B4GALT4: variants seen among roughly 807,000 people sequenced by gnomAD.
The protein encoded by B4GALT4 is beta-1,4-galactosyltransferase 4.
A neutral mutation model predicts 37.3 loss-of-function variants in B4GALT4; 27 were observed. The ratio of observed to expected loss-of-function variants is 0.72; its 90% CI spans 0.53 to 1.00. The LOEUF (loss-of-function observed/expected upper bound fraction) is 1.00, where lower values mean the gene tolerates loss of function less well. B4GALT4 is among the 50% of genes least tolerant of loss of function. The pLI, the probability that B4GALT4 is intolerant of heterozygous loss-of-function variation, is 0.00. For missense variants in B4GALT4, 372 were observed against 413.1 expected (o/e 0.90, Z 0.86); for synonymous variants, 148 against 154.1 (o/e 0.96, Z 0.29).
chr3:119,240,423 C>G (rs1241143573), intron 1 of B4GALT4: 2 of 152,286 alleles, frequency 1.3e-5, no homozygotes, highest in Non-Finnish European at 2.9e-5. Flanking sequence ...GTCAGCTGAT[C>G]AGTTTCCCCG....
chr3:119,231,784 GTATATTTTATAAAATATAAAATAA>G (rs1357978831), intron 2 of B4GALT4, among the ~76,000 whole-genome samples: 2 of 87,054 alleles, frequency 2.3e-5, no homozygotes, highest in East Asian at 2.8e-4. Flanking sequence ...ATTTTTAATA[GTATATTTTATAAAATATAAAATAA>G]TATATTTTAT....
chr3:119,219,534 G>A (rs553956798), intron 5 of B4GALT4, among the ~76,000 whole-genome samples: 4 of 152,364 alleles, frequency 2.6e-5, no homozygotes, highest in South Asian at 2.1e-4. Flanking sequence ...AGAGAGGAAC[G>A]ACTACAGATA....
intron 6 of B4GALT4, among the ~76,000 whole-genome samples, chr3:119,217,638 C>T (rs926695351): frequency 2.0e-5 from 3 of 152,018 alleles, no homozygotes; most frequent in Non-Finnish European, 4.4e-5. Flanking sequence ...GTCAGGAGTT[C>T]GAGATCAGCC....
intron 5 of B4GALT4, among the ~76,000 whole-genome samples, chr3:119,219,983 G>A (rs2078402446): frequency 1.3e-5 from 2 of 152,140 alleles, no homozygotes; most frequent in African/African-American, 4.8e-5. Flanking sequence ...ACCAAAAGGA[G>A]TGATCAATAA....
intron 6 of B4GALT4, among the ~76,000 whole-genome samples, chr3:119,217,950 T>C (rs2078340775): frequency 6.6e-6 from 1 of 151,660 alleles, no homozygotes; most frequent in Non-Finnish European, 1.5e-5. Context: ...AGTCTAAAGA[T>C]ACCAGCCTAA....
intron 7 of B4GALT4, chr3:119,214,867 G>A (rs1217808090): frequency 6.6e-6 from 1 of 152,180 alleles, no homozygotes; most frequent in Non-Finnish European, 1.5e-5. Context: ...AAAAACTGAT[G>A]AGGAATCTCA....
chr3:119,240,494 G>A (rs564937012), intron 1 of B4GALT4: 1 of 152,432 alleles, frequency 6.6e-6, no homozygotes, highest in South Asian at 2.1e-4. Context: ...TGATGCACCC[G>A]GCGGAGAAGT....
In B4GALT4 at chr3:119,230,176, C is replaced by T; in HGVS notation, c.-77G>A. The T allele has an allele frequency of 1.3e-6, 2 of 1,552,296 alleles. No homozygotes were observed. Among genetic ancestry groups the T allele is most frequent in the South Asian group, 1.2e-5 (1 of 82,216 alleles). On this transcript the variant is annotated 5_prime_UTR_variant, in exon 3 of 8. Coordinates refer to ENST00000393765, the MANE Select transcript of B4GALT4 (RefSeq NM_003778.4). ...AAGCTTCAAGTTGAGCTTTTCCAAT[C>T]TGATTGCGAACTTGATGACAACTGA...
chr3:119,218,700 GA>G lies in B4GALT4; in HGVS notation c.746del (p.Phe249SerfsTer24). The G allele has an allele frequency of 6.2e-7, 1 of 1,614,138 alleles. No individual in the cohort carries two copies. The highest frequency in any genetic ancestry group is 8.5e-7 in the Non-Finnish European group (1 of 1,180,012). On this transcript the variant is annotated frameshift_variant, in exon 6 of 8. Transcript: ENST00000393765. LOFTEE classifies it high-confidence loss of function. ...SREQFFKVNG[F>X]SNNYWGWGGE... The stretch of plus-strand genomic sequence containing the variant: ...CTCCCCATCCCCAGTAGTTGTTAGA[GA>G]ATCCATTCACCTTGAAAAACTGCTC...
chr3:119,232,859 A>AGTGCC (rs1325328126), intron 2 of B4GALT4: 3 of 152,196 alleles, frequency 2.0e-5, no homozygotes, highest in African/African-American at 7.2e-5. Context: ...CCCAGGCTAG[A>AGTGCC]GTGCCGTGGC....
In B4GALT4 at chr3:119,230,205, T is replaced by TAC. The variant is rs1264323672; in HGVS notation, c.-108_-107dup. ...TTGCGAACTTGATGACAACTGAAGA[T>TAC]ACAATGCCTGGTTTTTCTCAGTAGT... On this transcript the variant is annotated 5_prime_UTR_variant, in exon 3 of 8. Transcript: ENST00000393765. 2.8e-6 allele frequency: 4 copies of TAC among 1,413,758 alleles called. No individual in the cohort carries two copies. In the Admixed American group the frequency reaches 6.2e-5, roughly 22 times the overall value. The allele number at this position is 1,413,758 out of a possible 1,614,324, so 87.6% of individuals were successfully genotyped here.
chr3:119,229,271 A>G (rs1196243008), intron 3 of B4GALT4, among the ~76,000 whole-genome samples: 1 of 152,188 alleles, frequency 6.6e-6, no homozygotes, highest in East Asian at 1.9e-4. Context: ...CAGGAGGCAC[A>G]TGGGGCAGAG....
At chr3:119,216,166 C>T in intron 7 of B4GALT4, 74 bp downstream of exon 7, 3 of 1,213,140 alleles carry the variant, frequency 2.5e-6, no homozygotes, top group South Asian at 1.8e-5. Context: ...CAAATCTGAT[C>T]GAATTCAACA....
chr3:119,238,262 C>CT (rs2079041993), intron 1 of B4GALT4, among the ~76,000 whole-genome samples: 2 of 71,406 alleles, frequency 2.8e-5, no homozygotes, highest in African/African-American at 4.9e-5. Flanking sequence ...GACCCTGTCT[C>CT]TAAAAAAAAA....
intron 6 of B4GALT4, among the ~76,000 whole-genome samples, chr3:119,216,999 A>C (rs748628177): frequency 4.6e-5 from 7 of 152,276 alleles, no homozygotes; most frequent in Non-Finnish European, 8.8e-5. Flanking sequence ...CCTGTTGCAC[A>C]GGCGAATAAA....
At chr3:119,219,426 T>C (rs963198172) in intron 5 of B4GALT4, among the ~76,000 whole-genome samples, 1 of 152,214 alleles carries the variant, frequency 6.6e-6, no homozygotes, top group Non-Finnish European at 1.5e-5. Context: ...AATTAGGTTT[T>C]GAAAGGAAGG....
intron 2 of B4GALT4, chr3:119,236,060 A>G (rs1461316667): frequency 6.6e-6 from 1 of 152,248 alleles, no homozygotes; most frequent in Non-Finnish European, 1.5e-5. Flanking sequence ...ATTTGAGGAT[A>G]AACAGTATAG....
chr3:119,228,368 C>T (rs1180591181), intron 3 of B4GALT4, among the ~76,000 whole-genome samples: 1 of 152,172 alleles, frequency 6.6e-6, no homozygotes, highest in South Asian at 2.1e-4. Context: ...TCAAGATCTG[C>T]CCCTCCTTGG....
chr3:119,219,385 CT>C (rs2107476091), intron 5 of B4GALT4, among the ~76,000 whole-genome samples: 1 of 152,332 alleles, frequency 6.6e-6, no homozygotes, highest in Non-Finnish European at 1.5e-5. Flanking sequence ...CTAGGTAGTG[CT>C]TTTCATGAAA....
Sources: gnomAD v4.1 joint callset for allele counts (sites outside exome capture counted in the v4.1 genomes callset) on GRCh38, gnomAD v4.1.1 for gene constraint, MANE v1.5 for transcripts, NCBI Gene and HGNC (gene_info 2026-07-23, HGNC 2026-07-21) for gene names.